GALNT15: variants seen among roughly 807,000 people sequenced by gnomAD.
GALNT15 encodes UDP-GalNAc transferase T15.
Under a neutral mutation model 66.8 loss-of-function variants are expected in GALNT15, and 67 were observed. That is an observed-to-expected ratio of 1.00 (90% CI 0.82 to 1.23). The LOEUF is 1.23. Ranked by LOEUF, GALNT15 falls within the 50% of genes most tolerant of loss-of-function variation. GALNT15 has a pLI of 0.00. For synonymous variants in GALNT15, 313 were observed against 311.5 expected, an observed-to-expected ratio of 1.00 and a Z score of -0.05; for missense variants, 827 against 804.3, an observed-to-expected ratio of 1.03 and a Z score of -0.34.
chr3:16,197,677 G>A (rs1024107098), intron 2 of GALNT15, among the ~76,000 whole-genome samples: 1 of 152,112 alleles, frequency 6.6e-6, no homozygotes, highest in Non-Finnish European at 1.5e-5. Context: ...TGGGTTTCAG[G>A]GTATTCGTCT....
At position 16,228,220 on chromosome 3, in the gene GALNT15, A is replaced by G. The variant is rs1301366680; in HGVS notation, c.*720A>G. The G allele has an allele frequency of 2.0e-6, 2 of 985,796 alleles. No individual in the cohort carries two copies. Among genetic ancestry groups the G allele is most frequent in the Non-Finnish European group, 2.4e-6 (2 of 829,982 alleles). The allele number at this position is 985,796 out of a possible 1,614,324, so 61.1% of individuals were successfully genotyped here. A position where few individuals can be genotyped will look rare whatever the true frequency, so the allele number is the denominator to read the frequency against. On this transcript the variant is annotated 3_prime_UTR_variant, in exon 10 of 10. Coordinates refer to ENST00000339732, the MANE Select transcript of GALNT15 (RefSeq NM_054110.5). ...AATCTACCTCTATTCCCCCTGCCCT[A>G]GCTCTTCTCTAACTTGGTTAACCAT...
Position 16,189,120 on chromosome 3 carries a change from T to G in GALNT15, c.540-6640T>G, listed in dbSNP as rs1001829948. The stretch of plus-strand genomic sequence containing the variant: ...AAAGGAAGCCACCAAAGCCACTGGA[T>G]GAGCAAGAAGATTGGAGAGCTTTGC... On this transcript the variant is annotated intron_variant, in intron 1 of 9. Coordinates refer to ENST00000339732, the MANE Select transcript of GALNT15 (RefSeq NM_054110.5). The surrounding 1 kb of genome is among the most constrained non-coding windows in gnomAD (Gnocchi z 5.1). 6.6e-6 allele frequency among the ~76,000 whole-genome samples: 1 copy of G among 152,170 alleles called. No homozygotes were observed. Among genetic ancestry groups the G allele is most frequent in the Non-Finnish European group, 1.5e-5 (1 of 68,032 alleles).
At position 16,219,944 on chromosome 3, in the gene GALNT15, G is replaced by C. The variant is rs761573442; in HGVS notation, c.1559G>C (p.Cys520Ser). The C allele has an allele frequency of 6.2e-7, 1 of 1,614,214 alleles. No individual in the cohort carries two copies. The change falls in exon 8 of 10, where the codon TGC becomes TCC. Residue 520 changes from cysteine (C) to serine (S), a missense_variant. Coordinates refer to ENST00000339732, the MANE Select transcript of GALNT15 (RefSeq NM_054110.5). This position sits in a 1 kb window ranked among gnomAD's most constrained non-coding sequence, Gnocchi z 4.3. ...HNTGLGLCAD[C>S]QAEGDILGCP... ...ACTGGACTTGGGCTCTGTGCAGACTGCCAGGCAGAAGGGGACATCCTGGGC... is the reference window on the plus strand; with the variant it reads ...ACTGGACTTGGGCTCTGTGCAGACTCCCAGGCAGAAGGGGACATCCTGGGC...
chr3:16,219,452 G>A lies in GALNT15; in HGVS notation c.1442G>A (p.Gly481Asp). The A allele has an allele frequency of 6.2e-7, 1 of 1,614,200 alleles. No individual in the cohort carries two copies. Among genetic ancestry groups the A allele is most frequent in the Non-Finnish European group, 8.5e-7 (1 of 1,180,028 alleles). ...CGCTTGCAGCTGCAAAGGAGACTGG[G>A]TTGTCGGACATTCCACTGGTTTCTG... Reference protein sequence around the residue: ...MERLQLQRRLGCRTFHWFLAN... With the variant: ...MERLQLQRRLDCRTFHWFLAN... The change falls in exon 7 of 10, where the codon GGT (glycine) becomes GAT (aspartate). Residue 481 changes from glycine (G) to aspartate (D), a missense_variant. Coordinates refer to ENST00000339732, the MANE Select transcript of GALNT15 (RefSeq NM_054110.5). This position sits in a 1 kb window ranked among gnomAD's most constrained non-coding sequence, Gnocchi z 4.3.
chr3:16,193,073 C>A lies in GALNT15; in HGVS notation c.540-2687C>A, dbSNP rs576188544. Among the ~76,000 whole-genome samples, 71 of 152,236 alleles carry A rather than the reference C, an allele frequency of 4.7e-4. 1 individual carries two copies. The highest frequency in any genetic ancestry group is 3.4e-3 in the Middle Eastern group (1 of 294). On this transcript the variant is annotated intron_variant, in intron 1 of 9. Transcript: ENST00000339732. The surrounding 1 kb of genome is among the most constrained non-coding windows in gnomAD (Gnocchi z 4.7). The stretch of plus-strand genomic sequence containing the variant: ...GCTAGGTAAAGGGAACATAGGAACT[C>A]TCAGTTTCTTGTCAGTCTTAAACGA...
intron 1 of GALNT15, among the ~76,000 whole-genome samples, chr3:16,177,518 G>A (rs531085383): frequency 7.2e-5 from 11 of 152,338 alleles, no homozygotes; most frequent in African/African-American, 2.6e-4. Flanking sequence ...TGCAGGTACT[G>A]CGTTATGTGG....
In GALNT15 at chr3:16,208,613, G is replaced by C. The variant is rs2063782332; in HGVS notation, c.1022G>C (p.Trp341Ser). 1.2e-6 allele frequency: 2 copies of C among 1,614,000 alleles called. No individual in the cohort carries two copies. The highest frequency in any genetic ancestry group is 1.7e-6 in the Non-Finnish European group (2 of 1,180,016). ...GVLDWKLDFH[W>S]EPLPEHVRKA... ...TTGGACTGGAAGCTGGATTTCCACT[G>C]GGAACCTTTGCCAGAGCATGTGAGG... Residue 341 changes from tryptophan to serine, a missense_variant, in exon 4 of 10, where the codon TGG becomes TCG. Trp to Ser is a radical substitution (Grantham distance 177, BLOSUM62 -3). Transcript: ENST00000339732.
At chr3:16,231,197 A>T (rs910473556), downstream of GALNT15, among the ~76,000 whole-genome samples, 6 of 152,090 alleles carry the variant, frequency 3.9e-5, no homozygotes, top group Admixed American at 3.9e-4. The surrounding 1 kb of genome is among the most constrained non-coding windows in gnomAD (Gnocchi z 4.1). Context: ...TACCTAATGC[A>T]TGCAGGGCTT....
At chr3:16,212,413 GA>G (rs2063826124) in intron 5 of GALNT15, among the ~76,000 whole-genome samples, 155 bp from the exon 6 acceptor site, 1 of 152,100 alleles carries the variant, frequency 6.6e-6, no homozygotes, top group Non-Finnish European at 1.5e-5. Context: ...TCCAAATCTG[GA>G]AACTCTACGC....
downstream of GALNT15, among the ~76,000 whole-genome samples, chr3:16,233,094 C>CTTATTTTTTTTTTTTTTTTTTT (rs2064099703): frequency 1.6e-5 from 1 of 61,208 alleles, no homozygotes; most frequent in Non-Finnish European, 3.0e-5. Context: ...GATAATGCAT[C>CTTATTTTTTTTTTTTTTTTTTT]TTTTTTTTTT....
chr3:16,240,617 T>C, the GALNT15 span, among the ~76,000 whole-genome samples: 2 of 152,234 alleles, frequency 1.3e-5, no homozygotes, highest in African/African-American at 4.8e-5. Flanking sequence ...GCCCAGCTTA[T>C]AGTGATCCTT....
the GALNT15 span, among the ~76,000 whole-genome samples, chr3:16,241,799 C>T: frequency 2.6e-4 from 39 of 152,160 alleles, no homozygotes; most frequent in Non-Finnish European, 4.1e-4. The surrounding 1 kb of genome is among the most constrained non-coding windows in gnomAD (Gnocchi z 4.6). Flanking sequence ...CCACTCACCT[C>T]GGCCTCCCAA....
At position 16,209,677 on chromosome 3, in the gene GALNT15, C is replaced by G. The variant is rs946768731; in HGVS notation, c.1079+1007C>G. 3.3e-5 allele frequency among the ~76,000 whole-genome samples: 5 copies of G among 152,174 alleles called. No homozygotes were observed. Among genetic ancestry groups the G allele is most frequent in the Non-Finnish European group, 7.4e-5 (5 of 68,012 alleles). ...TACTAAAATTACAAAAAAAAATTAG[C>G]TGGGCATGGTAGCACACTCCTGTAG... On this transcript the variant is annotated intron_variant, in intron 4 of 9. Coordinates refer to ENST00000339732, the MANE Select transcript of GALNT15 (RefSeq NM_054110.5). This position sits in a 1 kb window ranked among gnomAD's most constrained non-coding sequence, Gnocchi z 4.1.
chr3:16,191,691 A>AGT lies in GALNT15; in HGVS notation c.540-4065_540-4064dup, dbSNP rs2063581192. Among the ~76,000 whole-genome samples the AGT allele has an allele frequency of 6.6e-6, 1 of 152,232 alleles. No homozygotes were observed. The highest frequency in any genetic ancestry group is 2.4e-5 in the African/African-American group (1 of 41,468). On this transcript the variant is annotated intron_variant, in intron 1 of 9. Coordinates refer to ENST00000339732, the MANE Select transcript of GALNT15 (RefSeq NM_054110.5). This position sits in a 1 kb window ranked among gnomAD's most constrained non-coding sequence, Gnocchi z 5.2. ...TCCTTACTTTGAGTAATATGCAAGG[A>AGT]GTGTGATCTTAAAGAGCTAGAGTTT...
chr3:16,191,455 C>T lies in GALNT15; in HGVS notation c.540-4305C>T, dbSNP rs936618632. 2.3e-5 allele frequency: 12 copies of T among 510,702 alleles called. No homozygotes were observed. Among genetic ancestry groups the T allele is most frequent in the South Asian group, 8.3e-5 (1 of 11,990 alleles). The allele number at this position is 510,702 out of a possible 1,614,324, so 31.6% of individuals were successfully genotyped here. On this transcript the variant is annotated intron_variant, in intron 1 of 9. Transcript: ENST00000339732. The surrounding 1 kb of genome is among the most constrained non-coding windows in gnomAD (Gnocchi z 5.2). ...AGCAAATCCCAAAAAGTGGGCCCTA[C>T]GGCTACCTTTCTGAGGAAACCAAGG...
the GALNT15 span, among the ~76,000 whole-genome samples, chr3:16,247,603 AC>A: frequency 5.2e-5 from 8 of 152,388 alleles, no homozygotes; most frequent in Non-Finnish European, 8.8e-5. Flanking sequence ...CCTGTGACCC[AC>A]ACTCACTCCA....
chr3:16,248,074 C>T, the GALNT15 span, among the ~76,000 whole-genome samples: 1 of 152,206 alleles, frequency 6.6e-6, no homozygotes, highest in Admixed American at 6.5e-5. This position sits in a 1 kb window ranked among gnomAD's most constrained non-coding sequence, Gnocchi z 4.9. Flanking sequence ...CGGTGTTTCT[C>T]CTGCAGTTTA....
In GALNT15 at chr3:16,195,677, G is replaced by C. The variant is rs895334929; in HGVS notation, c.540-83G>C. ...CATATAATGGGGGCAGCTCCAGCCA[G>C]AGCAAAGGAAGCGAGTTAGAGGGTG... is the stretch of plus-strand genomic sequence containing the variant. On this transcript the variant is annotated intron_variant, in intron 1 of 9. Coordinates refer to ENST00000339732, the MANE Select transcript of GALNT15 (RefSeq NM_054110.5). The surrounding 1 kb of genome is among the most constrained non-coding windows in gnomAD (Gnocchi z 4.6). 1.6e-5 allele frequency: 21 copies of C among 1,311,294 alleles called. No individual in the cohort carries two copies. The African/African-American group carries it at 2.6e-4, about 16-fold the overall frequency. 81.2% of individuals were successfully genotyped at this position (1,311,294 alleles called of 1,614,324 possible). A position where few individuals can be genotyped will look rare whatever the true frequency, so the allele number is the denominator to read the frequency against.
intron 3 of GALNT15, 48 bp from the exon 4 acceptor site, chr3:16,208,455 G>C: frequency 4.4e-6 from 7 of 1,595,136 alleles, no homozygotes; most frequent in Non-Finnish European, 6.0e-6. Flanking sequence ...TCCAGCCCCA[G>C]CAAGTAAATG....
Sources: gnomAD v4.1 joint callset for allele counts (sites outside exome capture counted in the v4.1 genomes callset) on GRCh38, gnomAD v4.1.1 for gene constraint, Gnocchi (gnomAD v3.1) non-coding constraint, MANE v1.5 for transcripts, NCBI Gene and HGNC (gene_info 2026-07-23, HGNC 2026-07-21) for gene names.